The following PLCL1 variants were observed in gnomAD, a reference collection of about 807,000 sequenced individuals.
The protein encoded by PLCL1 is inactive phospholipase C-like protein 1.
In PLCL1, 41 loss-of-function variants were observed where a neutral mutation model predicts 84.4. That is an observed-to-expected ratio of 0.49 (90% CI 0.38 to 0.63). The LOEUF is 0.63. Ranked by LOEUF, PLCL1 falls within the 30% of genes least tolerant of loss-of-function variation. The pLI is 0.00. For missense variants in PLCL1, 1,206 were observed against 1,367.8 expected (o/e 0.88, Z 1.87); for synonymous variants, 490 against 488.3 (o/e 1.00, Z -0.05).
intron 5 of PLCL1, among the ~76,000 whole-genome samples, chr2:198,107,965 T>C (rs373006813): frequency 5.3e-5 from 8 of 151,826 alleles, no homozygotes; most frequent in Non-Finnish European, 1.0e-4. Flanking sequence ...ATGACCTCCT[T>C]TGAATTTGAA....
chr2:198,060,261 A>T (rs1434306719), intron 1 of PLCL1, among the ~76,000 whole-genome samples: 1 of 152,222 alleles, frequency 6.6e-6, no homozygotes, highest in Non-Finnish European at 1.5e-5. Flanking sequence ...ACTTTAAGTG[A>T]CTACGGTAAT....
intron 1 of PLCL1, among the ~76,000 whole-genome samples, chr2:197,931,512 T>A (rs1688931333): frequency 6.6e-6 from 1 of 152,180 alleles, no homozygotes; most frequent in South Asian, 2.1e-4. Flanking sequence ...TTTTCCTTTT[T>A]ATGGCAGAAG....
At chr2:197,864,290 G>C (rs575811671) in intron 1 of PLCL1, among the ~76,000 whole-genome samples, 1 of 150,804 alleles carries the variant, frequency 6.6e-6, no homozygotes, top group South Asian at 2.1e-4. Flanking sequence ...TTTAAGATTT[G>C]AGCATCATGG....
chr2:197,936,291 T>G (rs2105770055), intron 1 of PLCL1, among the ~76,000 whole-genome samples: 1 of 152,324 alleles, frequency 6.6e-6, no homozygotes, highest in Middle Eastern at 3.4e-3. Flanking sequence ...CAAGTGGTAT[T>G]GCTGGATTAT....
At chr2:197,836,013 G>A (rs139944480) in intron 1 of PLCL1, among the ~76,000 whole-genome samples, 4 of 152,120 alleles carry the variant, frequency 2.6e-5, no homozygotes, top group African/African-American at 7.2e-5. Context: ...ATCACAAGTC[G>A]TTGCATTTTA....
At chr2:197,952,174 G>C (rs1223709764) in intron 1 of PLCL1, among the ~76,000 whole-genome samples, 1 of 152,044 alleles carries the variant, frequency 6.6e-6, no homozygotes, top group Non-Finnish European at 1.5e-5. Flanking sequence ...CTTCTATCCC[G>C]TGATAGCCTC....
chr2:198,087,369 C>G (rs1692911250), intron 2 of PLCL1, among the ~76,000 whole-genome samples: 1 of 152,052 alleles, frequency 6.6e-6, no homozygotes, highest in Non-Finnish European at 1.5e-5. Context: ...AAAAAAATTA[C>G]TTAATATACT....
chr2:197,918,967 T>TCTCC, intron 1 of PLCL1, among the ~76,000 whole-genome samples: 1 of 105,034 alleles, frequency 9.5e-6, no homozygotes, highest in East Asian at 3.4e-4. Context: ...TCTCTCTCTC[T>TCTCC]CCCTCACACA....
chr2:197,873,246 G>A (rs906162165), intron 1 of PLCL1, among the ~76,000 whole-genome samples: 1 of 151,690 alleles, frequency 6.6e-6, no homozygotes. Context: ...TTTAGGGTGG[G>A]GGTAAAAAGC....
rs1188209926 is a variant in PLCL1, at chr2:197,838,561, GA to G, written c.240+33230del. Reference sequence around the variant, plus strand: ...TGCGGTATGCTTTCAGTTTCTTTTAGAAAAAAAATCATGAATTGAAAAAGTT... The same window carrying G: ...TGCGGTATGCTTTCAGTTTCTTTTAGAAAAAAATCATGAATTGAAAAAGTT... On this transcript the variant is annotated intron_variant, in intron 1 of 5. Coordinates refer to ENST00000428675, the MANE Select transcript of PLCL1 (RefSeq NM_006226.4). 3.3e-5 allele frequency among the ~76,000 whole-genome samples: 5 copies of G among 151,842 alleles called. No individual in the cohort carries two copies. In the South Asian group the frequency reaches 6.2e-4, roughly 19 times the overall value.
At chr2:198,019,695 A>AGGG (rs745638541) in intron 1 of PLCL1, among the ~76,000 whole-genome samples, 36 of 152,328 alleles carry the variant, frequency 2.4e-4, no homozygotes, top group Non-Finnish European at 4.7e-4. Context: ...GAAAGAAAGA[A>AGGG]TGAAAAGGAA....
chr2:198,145,148 G>A (rs972290967), intron 5 of PLCL1, among the ~76,000 whole-genome samples: 1 of 152,082 alleles, frequency 6.6e-6, no homozygotes, highest in African/African-American at 2.4e-5. Flanking sequence ...CTGAAGAGTT[G>A]CACTTTTCAA....
At chr2:197,836,484 C>G (rs917377977) in intron 1 of PLCL1, among the ~76,000 whole-genome samples, 1 of 142,914 alleles carries the variant, frequency 7.0e-6, no homozygotes, top group African/African-American at 2.5e-5. Flanking sequence ...AAAATCCTTA[C>G]CTTTTGTTCA....
At chr2:197,981,411 A>G (rs1690102647) in intron 1 of PLCL1, among the ~76,000 whole-genome samples, 1 of 152,246 alleles carries the variant, frequency 6.6e-6, no homozygotes, top group Admixed American at 6.5e-5. Context: ...TGCTCACTCA[A>G]TCAGACTAAA....
At chr2:198,072,103 T>C (rs1340417380) in intron 1 of PLCL1, among the ~76,000 whole-genome samples, 2 of 151,864 alleles carry the variant, frequency 1.3e-5, no homozygotes, top group East Asian at 1.9e-4. Context: ...CAGTAGTATG[T>C]TTTTGGTAAT....
chr2:198,121,595 TG>T (rs1413805296), intron 5 of PLCL1, among the ~76,000 whole-genome samples: 1 of 152,100 alleles, frequency 6.6e-6, no homozygotes, highest in East Asian at 1.9e-4. Context: ...GTGGCACCTT[TG>T]TCGAAAATGA....
rs528042003 is a variant in PLCL1, at chr2:197,947,776, C to T, written c.241-135982C>T. Among the ~76,000 whole-genome samples the T allele has an allele frequency of 2.8e-4, 43 of 152,256 alleles. No homozygotes were observed. The South Asian group carries it at 8.9e-3, about 32-fold the overall frequency. The stretch of plus-strand genomic sequence containing the variant: ...CCTCCAACCATACTGGAGCCCACCC[C>T]AAGAGAGAGACTCAGATTTCATTAA... On this transcript the variant is annotated intron_variant, in intron 1 of 5. Coordinates refer to ENST00000428675, the MANE Select transcript of PLCL1 (RefSeq NM_006226.4).
intron 1 of PLCL1, among the ~76,000 whole-genome samples, chr2:197,983,219 T>C (rs1234029326): frequency 1.9e-4 from 12 of 64,222 alleles, no homozygotes; most frequent in South Asian, 5.5e-4. Context: ...TTTTTTTTTT[T>C]TTTTTTTTTT....
chr2:198,011,592 T>G (rs1690868943), intron 1 of PLCL1, among the ~76,000 whole-genome samples: 1 of 152,114 alleles, frequency 6.6e-6, no homozygotes, highest in African/African-American at 2.4e-5. Context: ...CTGCTGTTGT[T>G]GGATGTTGTA....
Sources: allele counts gnomAD v4.1 joint callset (sites outside exome capture counted in the v4.1 genomes callset), GRCh38; gene constraint gnomAD v4.1.1; transcripts MANE v1.5; gene names NCBI Gene and HGNC (gene_info 2026-07-23, HGNC 2026-07-21).